Variants in KANSL1 observed in about 807,000 individuals in gnomAD.
KANSL1 encodes MLL1/MLL complex subunit KANSL1.
In KANSL1, 22 loss-of-function variants were observed where a neutral mutation model predicts 103.6. That is an observed-to-expected ratio of 0.21 (90% CI 0.15 to 0.30). KANSL1 has a LOEUF of 0.30. Ranked by LOEUF, KANSL1 falls within the 10% of genes least tolerant of loss-of-function variation. The pLI is 1.00. For synonymous variants in KANSL1, 600 were observed against 527.6 expected (o/e 1.14, Z -1.88); for missense variants, 1,337 against 1,399.8 (o/e 0.96, Z 0.72).
chr17:46,043,486 G>A (rs1020577047), intron 7 of KANSL1: 2 of 152,198 alleles, frequency 1.3e-5, no homozygotes, highest in Non-Finnish European at 2.9e-5. Flanking sequence ...GCTAGATCAG[G>A]GCTGGCAACA....
intron 3 of KANSL1, among the ~76,000 whole-genome samples, chr17:46,086,246 C>CTT (rs2079158946): frequency 6.6e-6 from 1 of 152,146 alleles, no homozygotes; most frequent in African/African-American, 2.4e-5. Context: ...CTAAATACAA[C>CTT]CCTCAGATAG....
intron 2 of KANSL1, among the ~76,000 whole-genome samples, chr17:46,123,097 CG>C (rs746887814): frequency 6.6e-5 from 10 of 152,174 alleles, no homozygotes; most frequent in Non-Finnish European, 1.0e-4. Context: ...TTTTTAGAGA[CG>C]GGGCGCAGTG....
intron 3 of KANSL1, among the ~76,000 whole-genome samples, chr17:46,084,767 G>GCCTTTATTATTAA (rs1418898655): frequency 7.2e-6 from 1 of 138,306 alleles, no homozygotes; most frequent in East Asian, 2.3e-4. Flanking sequence ...CCATTAACTA[G>GCCTTTATTATTAA]TAAGCAAGAA....
At chr17:46,197,597 C>T (rs540037151), upstream of KANSL1, among the ~76,000 whole-genome samples, 1 of 152,334 alleles carries the variant, frequency 6.6e-6, no homozygotes, top group East Asian at 1.9e-4. Flanking sequence ...GAGCCAAGAT[C>T]ACACCACTGC....
In KANSL1 at chr17:46,171,214, G is replaced by A. The variant is rs763673329; in HGVS notation, c.930C>T (p.Ala310=). The A allele has an allele frequency of 1.9e-6, 3 of 1,614,096 alleles. No homozygotes were observed. Among genetic ancestry groups the A allele is most frequent in the Middle Eastern group, 3.3e-4 (2 of 6,062 alleles). ...GTTGTATATGCCTCTCAACCTGCTTGGCTTGCACAACCTGTAAGCGCTTTT... is the reference window on the plus strand; with the variant it reads ...GTTGTATATGCCTCTCAACCTGCTTAGCTTGCACAACCTGTAAGCGCTTTT... ...RLQKRLQVVQ[A]KQVERHIQHQ... Residue 310 remains alanine, a synonymous_variant, in exon 2 of 15, where the codon GCC becomes GCT. Coordinates refer to ENST00000432791, the MANE Select transcript of KANSL1 (RefSeq NM_015443.4).
chr17:46,050,969 C>T (rs1163304967), intron 6 of KANSL1, among the ~76,000 whole-genome samples: 1 of 152,204 alleles, frequency 6.6e-6, no homozygotes, highest in Non-Finnish European at 1.5e-5. Context: ...GCTCTAAGTG[C>T]TTACCTAGGT....
At chr17:46,049,240 CTTTTTTTTTTTT>C (rs34418861) in intron 7 of KANSL1, among the ~76,000 whole-genome samples, 5 of 75,794 alleles carry the variant, frequency 6.6e-5, no homozygotes, top group East Asian at 8.0e-4. Flanking sequence ...CATCCAAGAC[CTTTTTTTTTTTT>C]TTTTTTTTTT....
At chr17:46,033,639 C>T in intron 11 of KANSL1, 179 bp from the exon 12 acceptor site, 1 of 630,028 alleles carries the variant, frequency 1.6e-6, no homozygotes, top group Non-Finnish European at 2.8e-6. Flanking sequence ...TGAAATTGGC[C>T]ACCTACTCAA....
chr17:46,135,440 G>A (rs909258053), intron 2 of KANSL1, among the ~76,000 whole-genome samples: 19 of 152,014 alleles, frequency 1.2e-4, no homozygotes, highest in African/African-American at 3.6e-4. Context: ...CCAGATTAAC[G>A]AGAGATACAA....
At chr17:46,204,926 T>C (rs571824574) in intron 1 of KANSL1, among the ~76,000 whole-genome samples, 50 of 152,258 alleles carry the variant, frequency 3.3e-4, no homozygotes, top group Admixed American at 4.6e-4. Context: ...AAAGTAGAAA[T>C]TGAAGAAAAC....
At chr17:46,200,063 A>ACC (rs1244461867) in intron 1 of KANSL1, among the ~76,000 whole-genome samples, 12 of 151,820 alleles carry the variant, frequency 7.9e-5, no homozygotes, top group Non-Finnish European at 1.2e-4. Context: ...ACACACACAC[A>ACC]CACCCTGATT....
At chr17:46,096,304 T>TTTTTTTC (rs1219158410) in intron 2 of KANSL1, among the ~76,000 whole-genome samples, 2 of 121,290 alleles carry the variant, frequency 1.6e-5, no homozygotes, top group Admixed American at 9.8e-5. Context: ...ATACCTGGCT[T>TTTTTTTC]TTTTTTCTTT....
chr17:46,193,278 C>G lies in KANSL1; in HGVS notation c.-545G>C, dbSNP rs1038413573. On this transcript the variant is annotated 5_prime_UTR_variant, in exon 1 of 15. Coordinates refer to ENST00000432791, the MANE Select transcript of KANSL1 (RefSeq NM_015443.4). Reference sequence around the variant, plus strand: ...CCGGGGAGCGCGCTTCAGCCGCCCCCCGCGCCGCCGCGGCGAGACGAGTCG... The same window carrying G: ...CCGGGGAGCGCGCTTCAGCCGCCCCGCGCGCCGCCGCGGCGAGACGAGTCG... The G allele has an allele frequency of 6.6e-6, 1 of 152,474 alleles. No homozygotes were observed. Among genetic ancestry groups the G allele is most frequent in the South Asian group, 2.1e-4 (1 of 4,840 alleles). 9.4% of individuals were successfully genotyped at this position (152,474 alleles called of 1,614,324 possible).
Position 46,066,751 on chromosome 17 carries a change from G to A in KANSL1, c.1653-19C>T, listed in dbSNP as rs1445394322. 1.8e-5 allele frequency: 29 copies of A among 1,580,274 alleles called. No individual in the cohort carries two copies. The highest frequency in any genetic ancestry group is 2.4e-5 in the Non-Finnish European group (28 of 1,154,402). On this transcript the variant is annotated intron_variant, in intron 5 of 14. Coordinates refer to ENST00000432791, the MANE Select transcript of KANSL1 (RefSeq NM_015443.4). ...CTGAAGACTATACAAGGGGAAGGAA[G>A]AGTATTCTCAGAACACACAAAGAAA...
chr17:46,160,186 C>T (rs987190658), intron 2 of KANSL1, among the ~76,000 whole-genome samples: 4 of 152,212 alleles, frequency 2.6e-5, no homozygotes, highest in Non-Finnish European at 4.4e-5. Flanking sequence ...ACCTAACATA[C>T]AGAAAGGTGT....
intron 7 of KANSL1, among the ~76,000 whole-genome samples, chr17:46,047,309 G>A (rs1257804961): frequency 6.6e-6 from 1 of 152,184 alleles, no homozygotes; most frequent in African/African-American, 2.4e-5. Context: ...ATTCTCTCTA[G>A]GACAAGGGTT....
chr17:46,142,514 T>C (rs2147380376), intron 2 of KANSL1, among the ~76,000 whole-genome samples: 1 of 152,284 alleles, frequency 6.6e-6, no homozygotes, highest in African/African-American at 2.4e-5. Flanking sequence ...CCCAGCTACT[T>C]GTGAGGACCA....
At chr17:46,111,047 C>G (rs1015089552) in intron 2 of KANSL1, among the ~76,000 whole-genome samples, 7 of 152,150 alleles carry the variant, frequency 4.6e-5, no homozygotes, top group South Asian at 2.1e-4. Flanking sequence ...AACTACCTAT[C>G]ATAATTGTAG....
chr17:46,159,505 C>G lies in KANSL1; in HGVS notation c.1289+11350G>C, dbSNP rs576040767. The stretch of plus-strand genomic sequence containing the variant: ...CACCTACTCAGACACTGAAATGACA[C>G]AAATACAGACTAAGTAGATGAAAAC... On this transcript the variant is annotated intron_variant, in intron 2 of 14. Coordinates refer to ENST00000432791, the MANE Select transcript of KANSL1 (RefSeq NM_015443.4). 7.2e-5 allele frequency among the ~76,000 whole-genome samples: 11 copies of G among 152,306 alleles called. No individual in the cohort carries two copies. The East Asian group carries it at 2.1e-3, about 29-fold the overall frequency.
Sources: gnomAD v4.1 joint callset for allele counts (sites outside exome capture counted in the v4.1 genomes callset) on GRCh38, gnomAD v4.1.1 for gene constraint, MANE v1.5 for transcripts, NCBI Gene and HGNC (gene_info 2026-07-23, HGNC 2026-07-21) for gene names.